Variants in TIAM1 observed in about 807,000 individuals in gnomAD.
TIAM1 encodes rho guanine nucleotide exchange factor TIAM1.
In TIAM1, 65 loss-of-function variants were observed where a neutral mutation model predicts 163.5. That is an observed-to-expected ratio of 0.40 (90% CI 0.33 to 0.49). The LOEUF is 0.49. Ranked by LOEUF, TIAM1 falls within the 20% of genes least tolerant of loss-of-function variation. The probability of loss-of-function intolerance (pLI) is 0.77; values close to 1 mark genes in which losing one functional copy is unlikely to be tolerated. For synonymous variants in TIAM1, 833 were observed against 810.1 expected (o/e 1.03, Z -0.48); for missense variants, 1,789 against 2,044.7 (o/e 0.87, Z 2.41).
chr21:31,225,675 T>C (rs2087914574), intron 7 of TIAM1, 51 bp downstream of exon 7: 2 of 1,421,712 alleles, frequency 1.4e-6, no homozygotes, highest in East Asian at 2.3e-5. Flanking sequence ...AAAAAAACCC[T>C]TTTAGAGACC....
At chr21:31,250,151 G>GAAAAA (rs755928120) in intron 5 of TIAM1, among the ~76,000 whole-genome samples, 52 of 58,814 alleles carry the variant, frequency 8.8e-4, no homozygotes, top group East Asian at 1.6e-3. Context: ...GTCTCAAACA[G>GAAAAA]AAAAAAAAAA....
At chr21:31,147,041 T>A (rs758780099) in intron 19 of TIAM1, 38 bp from the exon 20 acceptor site, 2 of 1,563,844 alleles carry the variant, frequency 1.3e-6, no homozygotes, top group East Asian at 4.5e-5. Context: ...GGTTGTTTCC[T>A]TCCTCCACTG....
chr21:31,135,073 C>A (rs1043279389), intron 23 of TIAM1, among the ~76,000 whole-genome samples: 3 of 152,014 alleles, frequency 2.0e-5, no homozygotes. Context: ...TAATATAAGG[C>A]AAGAGAATAA....
At chr21:31,519,896 G>A (rs929005395) in intron 1 of TIAM1, among the ~76,000 whole-genome samples, 1 of 152,004 alleles carries the variant, frequency 6.6e-6, no homozygotes, top group African/African-American at 2.4e-5. Flanking sequence ...CCTGGAGGGA[G>A]GGTGGAAATG....
At chr21:31,469,594 C>CA (rs1471216768) in intron 1 of TIAM1, among the ~76,000 whole-genome samples, 1 of 152,024 alleles carries the variant, frequency 6.6e-6, no homozygotes, top group Non-Finnish European at 1.5e-5. Flanking sequence ...TTTGGGAGGC[C>CA]AAGGCAGGCA....
At chr21:31,239,772 G>A (rs574850649) in intron 6 of TIAM1, among the ~76,000 whole-genome samples, 25 of 152,206 alleles carry the variant, frequency 1.6e-4, no homozygotes, top group East Asian at 3.9e-4. Flanking sequence ...GTCATTAAGC[G>A]CATGAATATG....
At chr21:31,491,143 C>T (rs1487279544) in intron 1 of TIAM1, among the ~76,000 whole-genome samples, 2 of 133,768 alleles carry the variant, frequency 1.5e-5, no homozygotes, top group Non-Finnish European at 1.7e-5. Context: ...AAAGAAAGAA[C>T]GAAAGAAAGG....
chr21:31,299,422 T>C (rs1264451274), intron 2 of TIAM1, among the ~76,000 whole-genome samples: 1 of 152,238 alleles, frequency 6.6e-6, no homozygotes, highest in African/African-American at 2.4e-5. Flanking sequence ...TCAACTGTTA[T>C]TTCTTGTTGG....
chr21:31,367,129 AGAAG>A (rs1409086870), intron 2 of TIAM1, among the ~76,000 whole-genome samples: 1 of 142,928 alleles, frequency 7.0e-6, no homozygotes, highest in African/African-American at 2.5e-5. Flanking sequence ...AAGTAAGGAG[AGAAG>A]GAAGGAGGGA....
intron 2 of TIAM1, among the ~76,000 whole-genome samples, chr21:31,325,283 T>C (rs1317272944): frequency 8.0e-6 from 1 of 125,478 alleles, no homozygotes; most frequent in African/African-American, 3.1e-5. Context: ...GGAGGCCCTG[T>C]CTCAAAAAAA....
rs183441900 is a variant in TIAM1, at chr21:31,247,705, T to C, written c.1412-2045A>G. Reference sequence around the variant, plus strand: ...GGCACCACACCAAGCTAATTTCTTTTAGTTTGGGGTTTAAAAGTTGCATGG... The same window carrying C: ...GGCACCACACCAAGCTAATTTCTTTCAGTTTGGGGTTTAAAAGTTGCATGG... On this transcript the variant is annotated intron_variant, in intron 5 of 27. Transcript: ENST00000541036. Among the ~76,000 whole-genome samples the C allele has an allele frequency of 4.6e-5, 7 of 152,308 alleles. No individual in the cohort carries two copies. In the East Asian group the frequency reaches 1.4e-3, roughly 29 times the overall value.
intron 2 of TIAM1, among the ~76,000 whole-genome samples, chr21:31,310,563 G>A (rs1270058357): frequency 3.3e-5 from 5 of 152,134 alleles, no homozygotes; most frequent in African/African-American, 1.2e-4. Flanking sequence ...TAAAGTCTGG[G>A]AAATTTACCC....
chr21:31,438,708 A>C (rs895515877), intron 2 of TIAM1, among the ~76,000 whole-genome samples: 1 of 152,122 alleles, frequency 6.6e-6, no homozygotes, highest in Non-Finnish European at 1.5e-5. Context: ...AACCCTCCAA[A>C]GGTCAAAAGT....
At chr21:31,442,086 T>TATATATAG (rs529365762) in intron 2 of TIAM1, among the ~76,000 whole-genome samples, 2 of 125,654 alleles carry the variant, frequency 1.6e-5, no homozygotes, top group Admixed American at 1.7e-4. Context: ...TATATATATA[T>TATATATAG]AGAACAATAA....
intron 6 of TIAM1, among the ~76,000 whole-genome samples, chr21:31,227,115 C>A (rs1431647813): frequency 6.6e-6 from 1 of 151,876 alleles, no homozygotes; most frequent in Non-Finnish European, 1.5e-5. Flanking sequence ...TGCCACCATG[C>A]CCGGCTAAGT....
intron 2 of TIAM1, among the ~76,000 whole-genome samples, chr21:31,401,912 T>TAA (rs113662353): frequency 3.4e-4 from 46 of 137,012 alleles, no homozygotes; most frequent in African/African-American, 1.1e-3. Context: ...CTCTATCTCT[T>TAA]AAAAAAAAAA....
chr21:31,453,094 A>C (rs2044933183), intron 2 of TIAM1: 1 of 348,506 alleles, frequency 2.9e-6, no homozygotes, highest in Admixed American at 3.4e-5. Context: ...GGAGAGGATA[A>C]AGAAGGAGGA....
chr21:31,492,776 TACACAC>T (rs3055373), intron 1 of TIAM1, among the ~76,000 whole-genome samples: 3,396 of 139,720 alleles, frequency 0.024, 80 homozygotes, highest in East Asian at 0.082. Context: ...TATTTTGGGT[TACACAC>T]ACACACACAC....
intron 1 of TIAM1, among the ~76,000 whole-genome samples, chr21:31,510,020 G>A (rs952490792): frequency 6.6e-6 from 1 of 152,234 alleles, no homozygotes; most frequent in African/African-American, 2.4e-5. Flanking sequence ...CCTCCTGACA[G>A]CAAAGCCTGG....
Sources: gnomAD v4.1 joint callset for allele counts (sites outside exome capture counted in the v4.1 genomes callset) on GRCh38, gnomAD v4.1.1 for gene constraint, MANE v1.5 for transcripts, NCBI Gene and HGNC (gene_info 2026-07-23, HGNC 2026-07-21) for gene names.